The following RAI14 variants were observed in gnomAD, a reference collection of about 807,000 sequenced individuals.
The protein encoded by RAI14 is ankycorbin.
A neutral mutation model predicts 115.4 loss-of-function variants in RAI14; 45 were observed. That is an observed-to-expected ratio of 0.39 (90% CI 0.31 to 0.50). The LOEUF is 0.50. Among genes scored for constraint, RAI14 ranks in the 20% least tolerant of loss-of-function variants. The pLI is 0.85. For synonymous variants in RAI14, 371 were observed against 415.4 expected, an observed-to-expected ratio of 0.89 and a Z score of 1.30; for missense variants, 939 against 1,131.2, an observed-to-expected ratio of 0.83 and a Z score of 2.44.
At position 34,686,971 on chromosome 5, in the gene RAI14, C is replaced by G; in HGVS notation, c.36+16C>G. 6.2e-7 allele frequency: 1 copy of G among 1,613,430 alleles called. No individual in the cohort carries two copies. Among genetic ancestry groups the G allele is most frequent in the Non-Finnish European group, 8.5e-7 (1 of 1,179,646 alleles). On this transcript the variant is annotated intron_variant, in intron 2 of 17. Coordinates refer to ENST00000265109, the MANE Select transcript of RAI14 (RefSeq NM_015577.3). ...GAAGAGTGACGTGAGTATGCGGTGACTCACAGTCTGGCTGTTCCTTCTTCT... is the reference window on the plus strand; with the variant it reads ...GAAGAGTGACGTGAGTATGCGGTGAGTCACAGTCTGGCTGTTCCTTCTTCT...
chr5:34,817,272 C>CAAAAAAAAAAA (rs34084798), intron 12 of RAI14, among the ~76,000 whole-genome samples: 1 of 97,158 alleles, frequency 1.0e-5, no homozygotes. Context: ...CACTCCATCT[C>CAAAAAAAAAAA]AAAAAAAAAA....
chr5:34,703,718 G>T (rs1253703394), intron 2 of RAI14, among the ~76,000 whole-genome samples: 1 of 152,152 alleles, frequency 6.6e-6, no homozygotes, highest in Non-Finnish European at 1.5e-5. Flanking sequence ...CTTGCAAGGG[G>T]CCCTGAGGTT....
chr5:34,771,500 G>A (rs1750151493), intron 3 of RAI14, among the ~76,000 whole-genome samples: 1 of 152,154 alleles, frequency 6.6e-6, no homozygotes, highest in African/African-American at 2.4e-5. Context: ...ATCTATTTCA[G>A]CCGGTAATCA....
At chr5:34,716,054 G>C (rs1162982307) in intron 2 of RAI14, 1 of 451,622 alleles carries the variant, frequency 2.2e-6, no homozygotes, top group Non-Finnish European at 4.4e-6. Flanking sequence ...CTGTCCTCTA[G>C]GAATTTGAAA....
intron 2 of RAI14, among the ~76,000 whole-genome samples, chr5:34,712,098 C>A (rs566068935): frequency 1.3e-5 from 2 of 152,258 alleles, no homozygotes; most frequent in Admixed American, 1.3e-4. Context: ...TCCTCTAAGC[C>A]TCTCTTTATT....
rs1052741584 is a variant in RAI14 at position 34,831,779 on chromosome 5, T to A, written c.*1014T>A. 5 of 152,226 alleles carry A rather than the reference T, an allele frequency of 3.3e-5. No homozygotes were observed. Among genetic ancestry groups the A allele is most frequent in the Non-Finnish European group, 7.3e-5 (5 of 68,042 alleles). 9.4% of individuals were successfully genotyped at this position (152,226 alleles called of 1,614,324 possible). On this transcript the variant is annotated 3_prime_UTR_variant, in exon 18 of 18. Coordinates refer to ENST00000265109, the MANE Select transcript of RAI14 (RefSeq NM_015577.3). ...AGCTATAGCAAAAGGTAGTTATGTATGCCAGACCTAATATGAGCTGCCACC... is the reference window on the plus strand; with the variant it reads ...AGCTATAGCAAAAGGTAGTTATGTAAGCCAGACCTAATATGAGCTGCCACC...
chr5:34,746,348 G>A (rs1180618485), intron 2 of RAI14, among the ~76,000 whole-genome samples: 17 of 149,628 alleles, frequency 1.1e-4, no homozygotes, highest in African/African-American at 3.9e-4. Context: ...CTCATGATCT[G>A]CCTGCCTCAG....
intron 2 of RAI14, chr5:34,688,212 T>C (rs1738095919): frequency 6.4e-7 from 1 of 1,551,358 alleles, no homozygotes; most frequent in Non-Finnish European, 8.7e-7. Flanking sequence ...TTATGCAGCC[T>C]ACATATCTCC....
At chr5:34,808,258 C>T (rs935142221) in intron 6 of RAI14, among the ~76,000 whole-genome samples, 3 of 152,176 alleles carry the variant, frequency 2.0e-5, no homozygotes, top group Non-Finnish European at 4.4e-5. Flanking sequence ...AAGTGACAAA[C>T]GTTGACACTG....
rs72730584 is a variant in RAI14, at chr5:34,763,079, T to G, written c.167+5481T>G. Reference sequence around the variant, plus strand: ...GTATTTTTAGATGACTCTGTGGAGCTTGACTATAAAGTGGGAGAGGCAGGC... The same window carrying G: ...GTATTTTTAGATGACTCTGTGGAGCGTGACTATAAAGTGGGAGAGGCAGGC... On this transcript the variant is annotated intron_variant, in intron 3 of 17. Transcript: ENST00000265109. Among the ~76,000 whole-genome samples, 955 of 152,272 alleles carry G rather than the reference T, an allele frequency of 6.3e-3. 5 individuals carry two copies. The highest frequency in any genetic ancestry group is 0.011 in the Non-Finnish European group (756 of 68,028).
chr5:34,722,726 A>T (rs529465463), intron 2 of RAI14, among the ~76,000 whole-genome samples: 40 of 151,614 alleles, frequency 2.6e-4, no homozygotes, highest in African/African-American at 8.5e-4. Context: ...TGCTCTTGTA[A>T]TTCCAGCTAC....
intron 1 of RAI14, among the ~76,000 whole-genome samples, chr5:34,665,187 ATG>A (rs60406445): frequency 0.33 from 17,182 of 51,516 alleles, 7,540 homozygotes; most frequent in African/African-American, 0.38. Flanking sequence ...ACATATATAT[ATG>A]TATATATATA....
intron 2 of RAI14, among the ~76,000 whole-genome samples, chr5:34,713,693 A>C: frequency 6.6e-6 from 1 of 150,874 alleles, no homozygotes; most frequent in African/African-American, 2.4e-5. Context: ...GAGCCGCCGT[A>C]CTTGGCTGAG....
chr5:34,764,589 T>C lies in RAI14; in HGVS notation c.167+6991T>C, dbSNP rs552847129. Among the ~76,000 whole-genome samples the C allele has an allele frequency of 5.3e-5, 8 of 152,128 alleles. No homozygotes were observed. The East Asian group carries it at 1.5e-3, about 29-fold the overall frequency. On this transcript the variant is annotated intron_variant, in intron 3 of 17. Coordinates refer to ENST00000265109, the MANE Select transcript of RAI14 (RefSeq NM_015577.3). ...TCTCTCTCACACACAAATACATCCCTGTATACATGCAATATATGTATATAA... is the reference window on the plus strand; with the variant it reads ...TCTCTCTCACACACAAATACATCCCCGTATACATGCAATATATGTATATAA...
rs1381562460 is a variant in RAI14, at chr5:34,672,854, A to G, written c.-48-14018A>G. Among the ~76,000 whole-genome samples, 5 of 151,916 alleles carry G rather than the reference A, an allele frequency of 3.3e-5. No homozygotes were observed. The East Asian group carries it at 5.8e-4, about 18-fold the overall frequency. The stretch of plus-strand genomic sequence containing the variant: ...CCTTCTCACCCCATACCCCAGGGAA[A>G]CTTCCCCACCGTCTGTCCTTCTCAC... On this transcript the variant is annotated intron_variant, in intron 1 of 17. Transcript: ENST00000265109.
intron 2 of RAI14, among the ~76,000 whole-genome samples, chr5:34,698,643 G>T (rs565719923): frequency 1.2e-3 from 178 of 152,262 alleles, no homozygotes; most frequent in African/African-American, 4.0e-3. Context: ...TAGAGGTGGG[G>T]TGAAGAGACT....
chr5:34,674,710 G>A (rs529475875), intron 1 of RAI14, among the ~76,000 whole-genome samples: 2 of 150,646 alleles, frequency 1.3e-5, no homozygotes, highest in South Asian at 2.1e-4. Context: ...TCAGCCTCCC[G>A]AGTAGTAGCT....
intron 2 of RAI14, among the ~76,000 whole-genome samples, chr5:34,720,497 A>G (rs1042066711): frequency 1.1e-4 from 14 of 128,900 alleles, no homozygotes; most frequent in Admixed American, 2.0e-4. Context: ...TGGAAGCTCC[A>G]CCTCCCGGGT....
intron 2 of RAI14, among the ~76,000 whole-genome samples, chr5:34,736,801 A>G (rs544924836): frequency 6.6e-5 from 10 of 152,320 alleles, no homozygotes; most frequent in African/African-American, 2.2e-4. Flanking sequence ...GATCTTTTCA[A>G]TGTTTGCCAT....
Sources: allele counts gnomAD v4.1 joint callset (sites outside exome capture counted in the v4.1 genomes callset), GRCh38; gene constraint gnomAD v4.1.1; transcripts MANE v1.5; gene names NCBI Gene and HGNC (gene_info 2026-07-23, HGNC 2026-07-21).